Variants in IPP observed in about 807,000 individuals in gnomAD.
IPP encodes the protein actin-binding protein IPP.
A neutral mutation model predicts 64.1 loss-of-function variants in IPP; 41 were observed. The observed-to-expected ratio is 0.64, with a 90% CI of 0.50 to 0.83. The LOEUF is 0.83. Ranked by LOEUF, IPP falls within the 40% of genes least tolerant of loss-of-function variation. IPP has a pLI of 0.00. For synonymous variants in IPP, 214 were observed against 235.2 expected (o/e 0.91, Z 0.83); for missense variants, 649 against 703.0 (o/e 0.92, Z 0.87).
intron 3 of IPP, among the ~76,000 whole-genome samples, chr1:45,738,642 C>T (rs1445545594): frequency 6.6e-6 from 1 of 151,790 alleles, no homozygotes; most frequent in Admixed American, 6.6e-5. Flanking sequence ...AGATCGAGAC[C>T]ATCCTGGCTA....
At chr1:45,726,787 G>A (rs937484376) in intron 5 of IPP, among the ~76,000 whole-genome samples, 2 of 149,448 alleles carry the variant, frequency 1.3e-5, no homozygotes, top group Non-Finnish European at 3.0e-5. Context: ...GCAATGGCGC[G>A]ATCTCGGCTT....
At chr1:45,698,124 G>C (rs1391867742), downstream of IPP, 1 of 151,566 alleles carries the variant, frequency 6.6e-6, no homozygotes, top group East Asian at 1.9e-4. Context: ...CCAACATGGT[G>C]AAACCCCATA....
At chr1:45,712,262 G>A (rs778804090) in intron 8 of IPP, among the ~76,000 whole-genome samples, 8 of 146,106 alleles carry the variant, frequency 5.5e-5, no homozygotes, top group Non-Finnish European at 1.2e-4. Context: ...AGTTTGCAGT[G>A]AGCTGAGCAG....
In IPP at chr1:45,750,619, G is replaced by C. The variant is rs1646210377; in HGVS notation, c.-73C>G. ...TACCCGCCGCTTCCCCTTCCCTCCG[G>C]CGCCCGCTCAGGCCCTGCGCGCGCA... is the stretch of plus-strand genomic sequence containing the variant. On this transcript the variant is annotated 5_prime_UTR_variant, in exon 1 of 9. Coordinates refer to ENST00000396478, the MANE Select transcript of IPP (RefSeq NM_005897.3). 1 of 152,474 alleles carries C rather than the reference G, an allele frequency of 6.6e-6. No homozygotes were observed. Among genetic ancestry groups the C allele is most frequent in the Non-Finnish European group, 1.5e-5 (1 of 68,240 alleles). The allele number at this position is 152,474 out of a possible 1,614,324, so 9.4% of individuals were successfully genotyped here. A position where few individuals can be genotyped will look rare whatever the true frequency, so the allele number is the denominator to read the frequency against.
chr1:45,708,241 C>CT (rs1645540899), intron 8 of IPP, among the ~76,000 whole-genome samples: 1 of 149,060 alleles, frequency 6.7e-6, no homozygotes, highest in Admixed American at 6.6e-5. Flanking sequence ...ATTTTTTGTA[C>CT]TTTTAGCAGA....
At chr1:45,700,229 A>G (rs1645434720) in intron 8 of IPP, 39 bp from the exon 9 acceptor site, 1 of 1,573,810 alleles carries the variant, frequency 6.4e-7, no homozygotes, top group Non-Finnish European at 8.6e-7. Flanking sequence ...TAGCAGTGTT[A>G]TGAAATGATA....
intron 3 of IPP, among the ~76,000 whole-genome samples, chr1:45,738,535 T>C (rs1646009956): frequency 6.6e-6 from 1 of 151,944 alleles, no homozygotes; most frequent in South Asian, 2.1e-4. Flanking sequence ...TTAAATAAGG[T>C]GGTTTTAGAC....
At chr1:45,734,807 G>A (rs1036228907) in intron 3 of IPP, among the ~76,000 whole-genome samples, 3 of 151,806 alleles carry the variant, frequency 2.0e-5, no homozygotes, top group Non-Finnish European at 4.4e-5. Context: ...TTGAGACAGA[G>A]TCCTGCTCTG....
At chr1:45,696,100 C>T (rs1317024189), downstream of IPP, among the ~76,000 whole-genome samples, 1 of 152,166 alleles carries the variant, frequency 6.6e-6, no homozygotes, top group Non-Finnish European at 1.5e-5. Flanking sequence ...TTTCCATAAT[C>T]TGAATTAAAT....
chr1:45,743,086 C>T lies in IPP; in HGVS notation c.293-1754G>A, dbSNP rs572990908. ...CTAAGTAGCCAGGATTACAGATGCG[C>T]ACCACCATAACCAGCTAATTTTTGT... On this transcript the variant is annotated intron_variant, in intron 2 of 8. Transcript: ENST00000396478. Among the ~76,000 whole-genome samples the T allele has an allele frequency of 1.1e-3, 173 of 151,976 alleles. 2 individuals carry two copies. The highest frequency in any genetic ancestry group is 3.8e-3 in the African/African-American group (157 of 41,446).
At chr1:45,736,840 C>T (rs1418998815) in intron 3 of IPP, among the ~76,000 whole-genome samples, 1 of 151,668 alleles carries the variant, frequency 6.6e-6, no homozygotes, top group Non-Finnish European at 1.5e-5. Flanking sequence ...GAGATCGAGA[C>T]CATCCTGGCT....
downstream of IPP, among the ~76,000 whole-genome samples, chr1:45,695,855 G>A: frequency 6.6e-6 from 1 of 152,164 alleles, no homozygotes; most frequent in East Asian, 1.9e-4. Flanking sequence ...TTTTAGTAGA[G>A]ACAGGGTTTC....
At chr1:45,698,570 G>T, downstream of IPP, 2 of 469,392 alleles carry the variant, frequency 4.3e-6, no homozygotes, top group Non-Finnish European at 5.6e-6. Flanking sequence ...CATCCAAGCA[G>T]TAGCTTTGCA....
At chr1:45,726,737 TTTTGAGATGGAG>T (rs1049430275) in intron 5 of IPP, among the ~76,000 whole-genome samples, 33 of 151,638 alleles carry the variant, frequency 2.2e-4, no homozygotes, top group Non-Finnish European at 4.0e-4. Context: ...TTTTTTTTTT[TTTTGAGATGGAG>T]TTTCGCTCTT....
At chr1:45,714,543 T>A in intron 7 of IPP, 77 bp from the exon 8 acceptor site, 1 of 862,370 alleles carries the variant, frequency 1.2e-6, no homozygotes, top group South Asian at 1.4e-5. Flanking sequence ...GATTGTGATC[T>A]ATGTTTCCAA....
intron 1 of IPP, among the ~76,000 whole-genome samples, chr1:45,748,535 T>A (rs556390393): frequency 6.6e-6 from 1 of 151,964 alleles, no homozygotes; most frequent in Non-Finnish European, 1.5e-5. Context: ...CCAGGCATGA[T>A]AGCACAGGCC....
At chr1:45,742,205 T>G (rs1646075669) in intron 2 of IPP, among the ~76,000 whole-genome samples, 1 of 152,068 alleles carries the variant, frequency 6.6e-6, no homozygotes, top group South Asian at 2.1e-4. Flanking sequence ...GGATACACAT[T>G]CGGGCCTACT....
intron 8 of IPP, among the ~76,000 whole-genome samples, chr1:45,713,150 G>A (rs1040279935): frequency 7.9e-5 from 12 of 152,088 alleles, no homozygotes; most frequent in South Asian, 2.1e-4. Context: ...TTTGGGGAGC[G>A]CAGTGGCTCC....
At position 45,715,018 on chromosome 1, in the gene IPP, G is replaced by A. The variant is rs1645638600; in HGVS notation, c.1310-552C>T. Among the ~76,000 whole-genome samples the A allele has an allele frequency of 2.0e-5, 3 of 152,014 alleles. No homozygotes were observed. The South Asian group carries it at 6.2e-4, about 32-fold the overall frequency. ...CAGGGCAGGCGGATCACTTGAGCTT[G>A]AGACCAACCTGGGCAAAAAATACAA... On this transcript the variant is annotated intron_variant, in intron 7 of 8. Transcript: ENST00000396478.
Sources: allele counts gnomAD v4.1 joint callset (sites outside exome capture counted in the v4.1 genomes callset), GRCh38; gene constraint gnomAD v4.1.1; transcripts MANE v1.5; gene names NCBI Gene and HGNC (gene_info 2026-07-23, HGNC 2026-07-21).